Variants in EYA4 observed in about 807,000 individuals in gnomAD.
EYA4 encodes EYA transcriptional coactivator and phosphatase 4.
In EYA4, 31 loss-of-function variants were observed where a neutral mutation model predicts 87.9. The ratio of observed to expected loss-of-function variants is 0.35; its 90% CI spans 0.27 to 0.48. The LOEUF (loss-of-function observed/expected upper bound fraction) is 0.48. Ranked by LOEUF, EYA4 falls within the 20% of genes least tolerant of loss-of-function variation. EYA4 has a pLI of 0.99. For synonymous variants in EYA4, 263 were observed against 270.6 expected (o/e 0.97, Z 0.28); for missense variants, 678 against 761.4 (o/e 0.89, Z 1.29).
intron 11 of EYA4, among the ~76,000 whole-genome samples, chr6:133,474,737 T>G (rs554971796): frequency 6.6e-6 from 1 of 152,244 alleles, no homozygotes; most frequent in South Asian, 2.1e-4. Context: ...GCAAACAAGT[T>G]TATAACTATG....
Position 133,368,741 on chromosome 6 carries a change from C to T in EYA4, c.34-13651C>T, listed in dbSNP as rs570281860. 2.6e-5 allele frequency among the ~76,000 whole-genome samples: 4 copies of T among 152,282 alleles called. No individual in the cohort carries two copies. The East Asian group carries it at 7.7e-4, about 29-fold the overall frequency. On this transcript the variant is annotated intron_variant, in intron 2 of 19. Transcript: ENST00000355286. ...ATAAATATCATAGTGGCATCAAAAC[C>T]TGGGCTGACCATGTGCTGCAGGTGG...
chr6:133,447,007 C>T (rs1792913792), intron 4 of EYA4, among the ~76,000 whole-genome samples: 1 of 152,136 alleles, frequency 6.6e-6, no homozygotes, highest in Non-Finnish European at 1.5e-5. Flanking sequence ...ACAAGGCTTT[C>T]TTTTTGTATT....
At chr6:133,403,813 T>G (rs1788464535) in intron 3 of EYA4, among the ~76,000 whole-genome samples, 2 of 152,174 alleles carry the variant, frequency 1.3e-5, no homozygotes, top group Admixed American at 1.3e-4. Flanking sequence ...TTTGTTTGTT[T>G]GTGTGTTTTT....
chr6:133,532,054 T>C lies in EYA4; in HGVS notation c.*3249T>C, dbSNP rs1224355237. On this transcript the variant is annotated 3_prime_UTR_variant, in exon 20 of 20. Transcript: ENST00000355286. ...AGAAATGTAAATTAATATTAAAAGCTTGTAAAAATATGTATATCTTTACTA... is the reference window on the plus strand; with the variant it reads ...AGAAATGTAAATTAATATTAAAAGCCTGTAAAAATATGTATATCTTTACTA... 3 of 152,234 alleles carry C rather than the reference T, an allele frequency of 2.0e-5. No individual in the cohort carries two copies. The highest frequency in any genetic ancestry group is 4.4e-5 in the Non-Finnish European group (3 of 68,038). The allele number at this position is 152,234 out of a possible 1,614,324, so 9.4% of individuals were successfully genotyped here.
At chr6:133,296,510 G>A (rs1217039197) in intron 2 of EYA4, among the ~76,000 whole-genome samples, 1 of 152,136 alleles carries the variant, frequency 6.6e-6, no homozygotes, top group Non-Finnish European at 1.5e-5. Flanking sequence ...GTAATGAGGA[G>A]TGGTAGAATT....
intron 2 of EYA4, among the ~76,000 whole-genome samples, chr6:133,300,204 A>T (rs555689750): frequency 6.6e-6 from 1 of 152,126 alleles, no homozygotes; most frequent in South Asian, 2.1e-4. Flanking sequence ...TTCACGTTGA[A>T]TAGGCTGAGG....
intron 13 of EYA4, among the ~76,000 whole-genome samples, chr6:133,491,947 G>A (rs1177539039): frequency 1.1e-4 from 8 of 73,668 alleles, no homozygotes; most frequent in African/African-American, 6.3e-4. Flanking sequence ...GTGAAACTCC[G>A]TCTCAAAAAA....
chr6:133,512,886 G>A lies in EYA4; in HGVS notation c.1349G>A (p.Ser450Asn). 1 of 1,614,114 alleles carries A rather than the reference G, an allele frequency of 6.2e-7. No individual in the cohort carries two copies. The highest frequency in any genetic ancestry group is 1.3e-5 in the African/African-American group (1 of 75,032). The change falls in exon 16 of 20, where the codon AGT becomes AAT. Residue 450 changes from serine to asparagine, a missense_variant. Physicochemically the swap from Ser to Asn is conservative, Grantham distance 46. Coordinates refer to ENST00000355286, the MANE Select transcript of EYA4 (RefSeq NM_004100.5). The part of the protein sequence containing the change: ...DDNGQDLSTY[S>N]FATDGFHAAA... ...TATTTTGGGTGTTACAGTACCTACA[G>A]TTTTGCAACTGATGGCTTCCATGCA...
chr6:133,414,558 G>T (rs1246664004), intron 3 of EYA4, among the ~76,000 whole-genome samples: 1 of 152,094 alleles, frequency 6.6e-6, no homozygotes, highest in Non-Finnish European at 1.5e-5. Flanking sequence ...TAGAAAGAAG[G>T]GTGGGGCCCT....
intron 3 of EYA4, among the ~76,000 whole-genome samples, chr6:133,437,987 C>A (rs570511014): frequency 6.6e-6 from 1 of 152,218 alleles, no homozygotes; most frequent in South Asian, 2.1e-4. Flanking sequence ...AACTGATACC[C>A]ATTAATCATT....
rs112380410 is a variant in EYA4 at position 133,243,352 on chromosome 6, C to G, written c.-66+1603C>G. ...ACGTAATTGTTGGAGCGAAATACACCTCCTGGAATATGGCATTTTGTTCCT... is the reference window on the plus strand; with the variant it reads ...ACGTAATTGTTGGAGCGAAATACACGTCCTGGAATATGGCATTTTGTTCCT... On this transcript the variant is annotated intron_variant, in intron 1 of 19. Coordinates refer to ENST00000355286, the MANE Select transcript of EYA4 (RefSeq NM_004100.5). Among the ~76,000 whole-genome samples, 234 of 152,244 alleles carry G rather than the reference C, an allele frequency of 1.5e-3. 1 individual carries two copies. Among genetic ancestry groups the G allele is most frequent in the Middle Eastern group, 6.8e-3 (2 of 294 alleles).
chr6:133,360,644 C>A (rs1784383568), intron 2 of EYA4: 1 of 152,148 alleles, frequency 6.6e-6, no homozygotes, highest in South Asian at 2.1e-4. Context: ...AACAGGGATA[C>A]CACAAGAAAG....
At chr6:133,307,963 G>A (rs1779934736) in intron 2 of EYA4, among the ~76,000 whole-genome samples, 1 of 152,062 alleles carries the variant, frequency 6.6e-6, no homozygotes, top group Non-Finnish European at 1.5e-5. Flanking sequence ...TTCCTGTGCT[G>A]TTCTCATGAT....
chr6:133,323,682 G>A (rs1781274452), intron 2 of EYA4, among the ~76,000 whole-genome samples: 1 of 152,120 alleles, frequency 6.6e-6, no homozygotes, highest in South Asian at 2.1e-4. Flanking sequence ...ATGTGTGAGA[G>A]AATGAGAGAA....
intron 2 of EYA4, among the ~76,000 whole-genome samples, chr6:133,378,120 A>G (rs1282048310): frequency 1.3e-5 from 2 of 152,120 alleles, no homozygotes; most frequent in Non-Finnish European, 2.9e-5. Flanking sequence ...ACCTTTTTGT[A>G]TATCAATCAT....
chr6:133,267,463 A>G (rs1217121680), intron 1 of EYA4, among the ~76,000 whole-genome samples: 1 of 151,788 alleles, frequency 6.6e-6, no homozygotes, highest in African/African-American at 2.4e-5. Flanking sequence ...GCACACTGCA[A>G]CCTCCGCCTC....
At chr6:133,328,860 A>G (rs960083631) in intron 2 of EYA4, among the ~76,000 whole-genome samples, 4 of 152,170 alleles carry the variant, frequency 2.6e-5, no homozygotes, top group Admixed American at 2.0e-4. Context: ...TCTGGCTTAT[A>G]AAAATGGTAC....
chr6:133,454,347 A>G (rs1793725725), intron 5 of EYA4, among the ~76,000 whole-genome samples: 1 of 152,304 alleles, frequency 6.6e-6, no homozygotes, highest in South Asian at 2.1e-4. Context: ...ATTGCGTGAA[A>G]TGGAGTAGCC....
intron 14 of EYA4, chr6:133,510,731 C>G (rs1191588004): frequency 6.4e-6 from 1 of 156,352 alleles, no homozygotes; most frequent in Non-Finnish European, 1.4e-5. Context: ...TTCTCTCTCC[C>G]TTCCTTCCAC....
Sources: gnomAD v4.1 joint callset for allele counts (sites outside exome capture counted in the v4.1 genomes callset) on GRCh38, gnomAD v4.1.1 for gene constraint, MANE v1.5 for transcripts, NCBI Gene and HGNC (gene_info 2026-07-23, HGNC 2026-07-21) for gene names.